Variants in QKI observed in about 807,000 individuals in gnomAD.
QKI encodes the protein QKI, KH domain containing RNA binding, also known as KH domain-containing RNA-binding protein QKI.
A neutral mutation model predicts 39.0 loss-of-function variants in QKI; 10 were observed. That is an observed-to-expected ratio of 0.26 (90% CI 0.16 to 0.43). The LOEUF is 0.43. Among genes scored for constraint, QKI ranks in the 20% least tolerant of loss-of-function variants. QKI has a pLI of 1.00. For synonymous variants in QKI, 204 were observed against 155.4 expected, an observed-to-expected ratio of 1.31 and a Z score of -2.33; for missense variants, 218 against 428.0, an observed-to-expected ratio of 0.51 and a Z score of 4.33.
intron 3 of QKI, among the ~76,000 whole-genome samples, chr6:163,501,805 C>G (rs1477313856): frequency 6.6e-6 from 1 of 152,210 alleles, no homozygotes; most frequent in East Asian, 1.9e-4. Flanking sequence ...CCACCAGTGA[C>G]AGCACTCAAT....
intron 3 of QKI, 134 bp from the exon 4 acceptor site, chr6:163,534,848 A>C: frequency 1.4e-6 from 1 of 701,094 alleles, no homozygotes; most frequent in Non-Finnish European, 2.2e-6. Flanking sequence ...CAGAAAAATA[A>C]TTCAAAGACT....
At chr6:163,470,704 G>A (rs183924693) in intron 2 of QKI, among the ~76,000 whole-genome samples, 312 of 152,196 alleles carry the variant, frequency 2.0e-3, no homozygotes, top group Non-Finnish European at 2.6e-3. Context: ...AGAAATGGAA[G>A]CTATAAAAGA....
chr6:163,549,359 C>G lies in QKI; in HGVS notation c.547-12623C>G, dbSNP rs139363047. ...CCCAGAGAAAGTGTTCTCCTGCACT[C>G]CAGTGCTGTGAATAACTTAAGACTC... On this transcript the variant is annotated intron_variant, in intron 4 of 7. Coordinates refer to ENST00000361752, the MANE Select transcript of QKI (RefSeq NM_006775.3). Among the ~76,000 whole-genome samples, 493 of 152,214 alleles carry G rather than the reference C, an allele frequency of 3.2e-3. 6 individuals are homozygous for G. The highest frequency in any genetic ancestry group is 0.025 in the Admixed American group (380 of 15,280).
At chr6:163,476,207 T>G (rs1191001372) in intron 2 of QKI, among the ~76,000 whole-genome samples, 1 of 151,956 alleles carries the variant, frequency 6.6e-6, no homozygotes, top group Non-Finnish European at 1.5e-5. Flanking sequence ...TCAAAATAAA[T>G]TTTTATACTA....
chr6:163,574,327 A>C lies in QKI; in HGVS notation c.*3617A>C, dbSNP rs1783859643. ...TACCTTTATTTAGATTTTTGTTTTA[A>C]CTTGACCTTTTTCCTTTGGAAAGCG... On this transcript the variant is annotated 3_prime_UTR_variant, in exon 8 of 8. Coordinates refer to ENST00000361752, the MANE Select transcript of QKI (RefSeq NM_006775.3). 1 of 152,156 alleles carries C rather than the reference A, an allele frequency of 6.6e-6. No individual in the cohort carries two copies. The highest frequency in any genetic ancestry group is 1.5e-5 in the Non-Finnish European group (1 of 68,028). 9.4% of individuals were successfully genotyped at this position (152,156 alleles called of 1,614,324 possible). A position where few individuals can be genotyped will look rare whatever the true frequency, so the allele number is the denominator to read the frequency against.
chr6:163,565,417 T>C, intron 6 of QKI: 2 of 986,108 alleles, frequency 2.0e-6, no homozygotes, highest in South Asian at 9.4e-5. Context: ...CACGTGGAAT[T>C]GTACTTGTAT....
At chr6:163,446,818 G>C (rs866646377) in intron 1 of QKI, among the ~76,000 whole-genome samples, 2 of 152,094 alleles carry the variant, frequency 1.3e-5, no homozygotes, top group African/African-American at 4.8e-5. Flanking sequence ...GCTCTGTTCT[G>C]TTCTTTTCAG....
chr6:163,498,863 G>A (rs1482970803), intron 3 of QKI, among the ~76,000 whole-genome samples: 1 of 151,998 alleles, frequency 6.6e-6, no homozygotes, highest in Admixed American at 6.6e-5. Context: ...GAAATGCTTG[G>A]GATCAGTAAT....
rs1783662450 is a variant in QKI at position 163,570,812 on chromosome 6, G to A, written c.*102G>A. On this transcript the variant is annotated 3_prime_UTR_variant, in exon 8 of 8. Coordinates refer to ENST00000361752, the MANE Select transcript of QKI (RefSeq NM_006775.3). ...AATCGCCTTTGCTTGCCTGTCGTCA[G>A]TGCAGCGAGCTGAGGCACTTGTCCG... 2 of 1,478,296 alleles carry A rather than the reference G, an allele frequency of 1.4e-6. No individual in the cohort carries two copies. Among genetic ancestry groups the A allele is most frequent in the South Asian group, 1.3e-5 (1 of 75,430 alleles). 91.6% of individuals were successfully genotyped at this position (1,478,296 alleles called of 1,614,324 possible).
chr6:163,499,855 A>T lies in QKI; in HGVS notation c.402+20959A>T, dbSNP rs201083584. 2.0e-5 allele frequency among the ~76,000 whole-genome samples: 3 copies of T among 152,334 alleles called. No homozygotes were observed. In the East Asian group the frequency reaches 5.8e-4, roughly 29 times the overall value. ...CATAATTTAGGAAGATAGAAGCTAA[A>T]CAATTAAACGAACAAAGGTAATTTC... On this transcript the variant is annotated intron_variant, in intron 3 of 7. Coordinates refer to ENST00000361752, the MANE Select transcript of QKI (RefSeq NM_006775.3).
intron 4 of QKI, among the ~76,000 whole-genome samples, chr6:163,558,486 G>C (rs1472566954): frequency 6.8e-6 from 1 of 146,644 alleles, no homozygotes; most frequent in Non-Finnish European, 1.5e-5. Flanking sequence ...TGCAACCTCC[G>C]CCTTCCAAGT....
chr6:163,464,148 T>TCAGG (rs905829887), intron 2 of QKI, among the ~76,000 whole-genome samples: 2 of 152,202 alleles, frequency 1.3e-5, no homozygotes, highest in Admixed American at 1.3e-4. Flanking sequence ...TTCTCTGAAG[T>TCAGG]CAGGAACTCG....
intron 3 of QKI, among the ~76,000 whole-genome samples, chr6:163,532,997 C>G (rs531348528): frequency 1.3e-5 from 2 of 152,164 alleles, no homozygotes; most frequent in African/African-American, 4.8e-5. Flanking sequence ...TTGGTTGTTT[C>G]AGCAGGAAGG....
chr6:163,503,950 C>T (rs958332504), intron 3 of QKI, among the ~76,000 whole-genome samples: 39 of 151,824 alleles, frequency 2.6e-4, no homozygotes, highest in Non-Finnish European at 1.3e-4. Flanking sequence ...TCAGTGTTGC[C>T]CAAGCTGGTC....
At chr6:163,419,299 C>T (rs969985532) in intron 1 of QKI, among the ~76,000 whole-genome samples, 2 of 128,834 alleles carry the variant, frequency 1.6e-5, no homozygotes, top group African/African-American at 2.5e-5. Flanking sequence ...GGTTTTCTTA[C>T]CATAATTTTT....
chr6:163,544,465 T>C (rs1418197033), intron 4 of QKI, among the ~76,000 whole-genome samples: 1 of 151,930 alleles, frequency 6.6e-6, no homozygotes, highest in African/African-American at 2.4e-5. Flanking sequence ...AGAATTAAAT[T>C]TTGGTGTAAT....
At chr6:163,421,679 T>A (rs1180480412) in intron 1 of QKI, among the ~76,000 whole-genome samples, 2 of 152,160 alleles carry the variant, frequency 1.3e-5, no homozygotes, top group Non-Finnish European at 2.9e-5. Flanking sequence ...TTTTAAACAG[T>A]GCCATTACTT....
intron 3 of QKI, among the ~76,000 whole-genome samples, chr6:163,507,988 A>G (rs1779205485): frequency 6.6e-6 from 1 of 152,190 alleles, no homozygotes; most frequent in Admixed American, 6.5e-5. Flanking sequence ...AAAAGGAACC[A>G]ATGGAAAATT....
intron 3 of QKI, among the ~76,000 whole-genome samples, chr6:163,519,940 G>C (rs746116046): frequency 3.3e-5 from 5 of 152,134 alleles, no homozygotes; most frequent in Non-Finnish European, 7.4e-5. Flanking sequence ...TATTCTGAAA[G>C]AGTAGAGTTA....
Sources: gnomAD v4.1 joint callset for allele counts (sites outside exome capture counted in the v4.1 genomes callset) on GRCh38, gnomAD v4.1.1 for gene constraint, MANE v1.5 for transcripts, NCBI Gene and HGNC (gene_info 2026-07-23, HGNC 2026-07-21) for gene names.